PDHX: variants seen among roughly 807,000 people sequenced by gnomAD.
The protein encoded by PDHX is pyruvate dehydrogenase protein X component, mitochondrial.
In PDHX, 33 loss-of-function variants were observed where a neutral mutation model predicts 55.3. That is an observed-to-expected ratio of 0.60 (90% CI 0.45 to 0.80). PDHX has a LOEUF of 0.80. PDHX is among the 30% of genes least tolerant of loss of function. The pLI is 0.00. For missense variants in PDHX, 622 were observed against 619.9 expected, an observed-to-expected ratio of 1.00 and a Z score of -0.04; for synonymous variants, 226 against 219.4, an observed-to-expected ratio of 1.03 and a Z score of -0.27.
upstream of PDHX, chr11:34,916,341 C>T (rs769228399): frequency 5.6e-6 from 9 of 1,597,926 alleles, no homozygotes; most frequent in South Asian, 9.0e-5. Context: ...GCGCGCGGCG[C>T]TTAGCCTGGG....
intron 1 of PDHX, among the ~76,000 whole-genome samples, chr11:34,919,261 A>C (rs1853815824): frequency 6.7e-6 from 1 of 148,440 alleles, no homozygotes; most frequent in Non-Finnish European, 1.5e-5. Context: ...GCAATCCTTG[A>C]ACTATTTGTT....
chr11:34,960,193 T>G (rs1021311505), intron 4 of PDHX, among the ~76,000 whole-genome samples: 2 of 152,262 alleles, frequency 1.3e-5, no homozygotes, highest in Non-Finnish European at 2.9e-5. Context: ...ATATTTATTC[T>G]TATTAAAATC....
chr11:34,970,173 G>T lies in PDHX; in HGVS notation c.851G>T (p.Arg284Leu), dbSNP rs763853325. 1.2e-6 allele frequency: 2 copies of T among 1,612,740 alleles called. No homozygotes were observed. The highest frequency in any genetic ancestry group is 1.7e-6 in the Non-Finnish European group (2 of 1,178,950). Residue 284 changes from arginine to leucine, a missense_variant, in exon 7 of 11, where the codon CGA becomes CTA. Arg to Leu is a moderately radical substitution (Grantham distance 102). Coordinates refer to ENST00000227868, the MANE Select transcript of PDHX (RefSeq NM_003477.3). ...TFTEIPASNI[R>L]RVIAKRLTES... is the part of the protein sequence containing the mutation. ...ACTGAAATCCCCGCCAGCAATATTC[G>T]AAGAGTTATTGCCAAGAGATTAACT...
At chr11:34,982,045 CT>C (rs1310294939) in intron 8 of PDHX, among the ~76,000 whole-genome samples, 1 of 152,134 alleles carries the variant, frequency 6.6e-6, no homozygotes, top group Non-Finnish European at 1.5e-5. Flanking sequence ...GTTGCCATTG[CT>C]TTTGGTGTTT....
At chr11:34,933,210 C>T (rs142029319) in intron 2 of PDHX, among the ~76,000 whole-genome samples, 61 of 152,204 alleles carry the variant, frequency 4.0e-4, no homozygotes, top group African/African-American at 1.3e-3. Context: ...TGTAAAAGAG[C>T]CCTAAAGATT....
intron 3 of PDHX, among the ~76,000 whole-genome samples, chr11:34,953,570 T>C (rs1854831127): frequency 6.6e-6 from 1 of 152,238 alleles, no homozygotes; most frequent in African/African-American, 2.4e-5. Flanking sequence ...AGCTAAATTG[T>C]TACATCCACT....
intron 2 of PDHX, among the ~76,000 whole-genome samples, chr11:34,932,123 A>C (rs1392877277): frequency 6.6e-6 from 1 of 152,122 alleles, no homozygotes; most frequent in African/African-American, 2.4e-5. Context: ...TCTTTATGTT[A>C]TGTGAAGGAT....
chr11:34,944,936 G>C (rs1245689955), intron 2 of PDHX, among the ~76,000 whole-genome samples: 1 of 151,730 alleles, frequency 6.6e-6, no homozygotes, highest in East Asian at 1.9e-4. Flanking sequence ...ACCATTTTTT[G>C]TGCATTTTTG....
chr11:34,951,745 T>C (rs540263373), intron 3 of PDHX, among the ~76,000 whole-genome samples: 1 of 152,326 alleles, frequency 6.6e-6, no homozygotes, highest in Admixed American at 6.5e-5. Flanking sequence ...CCATTGCTTT[T>C]GGTGTTTTAG....
At chr11:34,951,216 C>T (rs1194137371) in intron 3 of PDHX, among the ~76,000 whole-genome samples, 2 of 151,912 alleles carry the variant, frequency 1.3e-5, no homozygotes, top group African/African-American at 4.8e-5. Context: ...GCCATCACGC[C>T]CGGCTAATTT....
chr11:34,934,278 A>G (rs1050602308), intron 2 of PDHX, among the ~76,000 whole-genome samples: 1 of 152,226 alleles, frequency 6.6e-6, no homozygotes, highest in Non-Finnish European at 1.5e-5. Context: ...AATATGTTCA[A>G]GCCTGTAGCT....
intron 8 of PDHX, among the ~76,000 whole-genome samples, chr11:34,982,044 G>A (rs1379370028): frequency 6.6e-6 from 1 of 152,184 alleles, no homozygotes; most frequent in Non-Finnish European, 1.5e-5. Flanking sequence ...TGTTGCCATT[G>A]CTTTTGGTGT....
intron 1 of PDHX, among the ~76,000 whole-genome samples, chr11:34,924,431 G>C (rs1016966474): frequency 6.6e-6 from 1 of 152,070 alleles, no homozygotes; most frequent in Non-Finnish European, 1.5e-5. Context: ...ATGTTGTCCA[G>C]GCTGGTCTTG....
At chr11:34,963,889 C>T (rs920380497) in intron 5 of PDHX, among the ~76,000 whole-genome samples, 8 of 152,210 alleles carry the variant, frequency 5.3e-5, no homozygotes, top group African/African-American at 1.7e-4. Flanking sequence ...GTCTTTGGTA[C>T]ATCTGTGTCC....
chr11:34,946,893 C>T (rs1457259972), intron 2 of PDHX, among the ~76,000 whole-genome samples: 1 of 152,198 alleles, frequency 6.6e-6, no homozygotes, highest in Non-Finnish European at 1.5e-5. Context: ...CAAACCTGCT[C>T]CTAAATCCAG....
At chr11:34,971,384 C>A (rs967499093) in intron 7 of PDHX, among the ~76,000 whole-genome samples, 1 of 151,890 alleles carries the variant, frequency 6.6e-6, no homozygotes, top group Non-Finnish European at 1.5e-5. Context: ...TTGCCTTGTT[C>A]TTGATTTTGG....
intron 8 of PDHX, 28 bp from the exon 9 acceptor site, chr11:34,984,542 A>G (rs1855598482): frequency 1.2e-6 from 2 of 1,610,118 alleles, no homozygotes; most frequent in South Asian, 1.1e-5. Context: ...CTGCTTTTTT[A>G]GTAACATTTT....
chr11:34,993,886 T>TA (rs1354520613), intron 10 of PDHX, among the ~76,000 whole-genome samples: 1 of 152,194 alleles, frequency 6.6e-6, no homozygotes, highest in East Asian at 1.9e-4. Context: ...GTAGAAACCA[T>TA]TGTGTATTCA....
chr11:34,978,886 T>C (rs953099345), intron 8 of PDHX, among the ~76,000 whole-genome samples: 1 of 152,120 alleles, frequency 6.6e-6, no homozygotes, highest in Non-Finnish European at 1.5e-5. Context: ...TGGAGGGTTT[T>C]GAACAAATAA....
Sources: allele counts gnomAD v4.1 joint callset (sites outside exome capture counted in the v4.1 genomes callset), GRCh38; gene constraint gnomAD v4.1.1; transcripts MANE v1.5; gene names NCBI Gene and HGNC (gene_info 2026-07-23, HGNC 2026-07-21).